Variants in RB1 observed in about 807,000 individuals in gnomAD.
RB1 encodes RB transcriptional corepressor 1.
A neutral mutation model predicts 135.4 loss-of-function variants in RB1; 18 were observed. The observed-to-expected ratio is 0.13, with a 90% CI of 0.09 to 0.20. The LOEUF (loss-of-function observed/expected upper bound fraction) is 0.20. Ranked by LOEUF, RB1 falls within the 10% of genes least tolerant of loss-of-function variation. The probability of loss-of-function intolerance (pLI) is 1.00; values close to 1 mark genes in which losing one functional copy is unlikely to be tolerated. For missense variants in RB1, 868 were observed against 1,110.0 expected (o/e 0.78, Z 3.10); for synonymous variants, 365 against 373.2 (o/e 0.98, Z 0.25).
intron 20 of RB1, among the ~76,000 whole-genome samples, chr13:48,462,718 A>G (rs198587): frequency 0.91 from 138,127 of 152,228 alleles, 63,673 homozygotes; most frequent in East Asian, 1. Flanking sequence ...AATGTTTATA[A>G]TTGTAGTTCT....
At chr13:48,358,586 T>C (rs1952612394) in intron 6 of RB1, among the ~76,000 whole-genome samples, 1 of 152,200 alleles carries the variant, frequency 6.6e-6, no homozygotes, top group Non-Finnish European at 1.5e-5. Flanking sequence ...TTTATCTTTT[T>C]TCTATAGCAG....
chr13:48,421,782 G>A (rs558868520), intron 17 of RB1, among the ~76,000 whole-genome samples: 10 of 152,270 alleles, frequency 6.6e-5, no homozygotes, highest in African/African-American at 9.6e-5. Flanking sequence ...CATCATCAGC[G>A]GTCATTAATG....
chr13:48,451,981 C>A (rs916654789), intron 17 of RB1, among the ~76,000 whole-genome samples: 1 of 151,680 alleles, frequency 6.6e-6, no homozygotes. Flanking sequence ...TTTCTGATTG[C>A]GTTTATTCCA....
chr13:48,393,829 A>G (rs1345598565), intron 17 of RB1, among the ~76,000 whole-genome samples: 1 of 152,214 alleles, frequency 6.6e-6, no homozygotes, highest in African/African-American at 2.4e-5. Context: ...TGTCAAATGT[A>G]GCTGACTTAC....
chr13:48,393,614 T>C (rs1948626860), intron 17 of RB1, among the ~76,000 whole-genome samples: 1 of 152,226 alleles, frequency 6.6e-6, no homozygotes. Context: ...ATGAAGTATT[T>C]ACAAATATGA....
At chr13:48,467,319 G>A (rs1284169203) in intron 23 of RB1, among the ~76,000 whole-genome samples, 1 of 132,710 alleles carries the variant, frequency 7.5e-6, no homozygotes, top group East Asian at 2.5e-4. Context: ...AGCTTCATAA[G>A]TGAAGGAGAA....
chr13:48,379,168 AC>A (rs1328466152), intron 13 of RB1, among the ~76,000 whole-genome samples: 2 of 152,168 alleles, frequency 1.3e-5, no homozygotes, highest in Non-Finnish European at 2.9e-5. Flanking sequence ...TTAAAATAGT[AC>A]TGGGCACATA....
chr13:48,403,744 T>A (rs888628190), intron 17 of RB1, among the ~76,000 whole-genome samples: 1 of 152,182 alleles, frequency 6.6e-6, no homozygotes, highest in Admixed American at 6.5e-5. Flanking sequence ...ATTTCTGATA[T>A]GTTTCCAGGT....
intron 17 of RB1, chr13:48,411,457 C>G (rs767102500): frequency 5.0e-6 from 8 of 1,613,262 alleles, no homozygotes; most frequent in Non-Finnish European, 4.2e-6. Context: ...ATAAAATTCT[C>G]TGCACCATGA....
intron 4 of RB1, 80 bp from the exon 5 acceptor site, chr13:48,347,745 G>A: frequency 1.1e-6 from 1 of 927,880 alleles, no homozygotes; most frequent in Non-Finnish European, 1.7e-6. Flanking sequence ...CTTAAAAGAA[G>A]ATAAATAAAG....
chr13:48,373,692 A>AT (rs1302342809), intron 12 of RB1, among the ~76,000 whole-genome samples, 200 bp downstream of exon 12: 4 of 152,096 alleles, frequency 2.6e-5, no homozygotes, highest in African/African-American at 9.7e-5. Flanking sequence ...TATTTAAAAC[A>AT]TTTTTATGTT....
intron 2 of RB1, chr13:48,316,959 T>A: frequency 2.6e-6 from 1 of 379,886 alleles, no homozygotes; most frequent in Admixed American, 4.0e-5. Context: ...GGTGCCCTGG[T>A]CCTGGTCGTC....
intron 2 of RB1, among the ~76,000 whole-genome samples, chr13:48,325,684 T>C (rs988395344): frequency 2.8e-5 from 3 of 107,314 alleles, no homozygotes; most frequent in Non-Finnish European, 7.1e-5. Flanking sequence ...TTAATCCTTT[T>C]AGTGGATTTT....
chr13:48,405,549 C>T (rs530237624), intron 17 of RB1, among the ~76,000 whole-genome samples: 6 of 152,104 alleles, frequency 3.9e-5, no homozygotes, highest in African/African-American at 1.4e-4. Context: ...TTAACACAGC[C>T]GCTTTATTCA....
At chr13:48,404,566 G>A (rs1018142974) in intron 17 of RB1, among the ~76,000 whole-genome samples, 3 of 151,936 alleles carry the variant, frequency 2.0e-5, no homozygotes, top group Admixed American at 6.6e-5. Flanking sequence ...TCGCTCTGTC[G>A]CCCAGGCTGG....
At chr13:48,404,536 G>C (rs1021877286) in intron 17 of RB1, among the ~76,000 whole-genome samples, 1 of 149,886 alleles carries the variant, frequency 6.7e-6, no homozygotes, top group African/African-American at 2.4e-5. Context: ...GATACTTTTT[G>C]TTTTTTTTTA....
chr13:48,383,009 G>A (rs1948548661), intron 17 of RB1, among the ~76,000 whole-genome samples: 2 of 152,188 alleles, frequency 1.3e-5, no homozygotes, highest in South Asian at 4.1e-4. Context: ...GGTTGTAGAT[G>A]TGTGGTATTA....
In RB1 at chr13:48,465,211, A is replaced by G. The variant is rs878853950; in HGVS notation, c.2332A>G (p.Thr778Ala). 9 of 1,613,878 alleles carry G rather than the reference A, an allele frequency of 5.6e-6. No homozygotes were observed. Among genetic ancestry groups the G allele is most frequent in the Non-Finnish European group, 5.9e-6 (7 of 1,179,952 alleles). The change falls in exon 23 of 27, where the codon ACC becomes GCC. Residue 778 changes from threonine to alanine, a missense_variant. Thr to Ala is a moderately conservative substitution (Grantham distance 58). Around this residue, in one of 3 missense-constraint regions of RB1, gnomAD observed 196 missense variants for 239.8 expected, o/e 0.82. Coordinates refer to ENST00000267163, the MANE Select transcript of RB1 (RefSeq NM_000321.3). ...TTTTTTGTTTTTGCTCTAGCCCCCT[A>G]CCTTGTCACCAATACCTCACATTCC... is the stretch of plus-strand genomic sequence containing the variant. ...ILQYASTRPPTLSPIPHIPRS... is the reference protein window; with the variant it reads ...ILQYASTRPPALSPIPHIPRS...
intron 6 of RB1, among the ~76,000 whole-genome samples, chr13:48,357,445 T>C (rs1052543030): frequency 9.9e-5 from 15 of 152,158 alleles, no homozygotes; most frequent in African/African-American, 3.1e-4. Flanking sequence ...CTTTTTATGA[T>C]ACATTTTTAT....
Sources: gnomAD v4.1 joint callset for allele counts (sites outside exome capture counted in the v4.1 genomes callset) on GRCh38, gnomAD v4.1.1 for gene constraint, gnomAD v4.1.1 regional missense constraint, MANE v1.5 for transcripts, NCBI Gene and HGNC (gene_info 2026-07-23, HGNC 2026-07-21) for gene names.